The following ERGIC3 variants were observed in gnomAD, a reference collection of about 807,000 sequenced individuals.
ERGIC3 encodes ERGIC and golgi 3, also known as endoplasmic reticulum-Golgi intermediate compartment protein 3.
A neutral mutation model predicts 54.7 loss-of-function variants in ERGIC3; 33 were observed. The ratio of observed to expected loss-of-function variants is 0.60; its 90% CI spans 0.46 to 0.81. The LOEUF (loss-of-function observed/expected upper bound fraction) is 0.81, where lower values mean the gene tolerates loss of function less well. Among genes scored for constraint, ERGIC3 ranks in the 30% least tolerant of loss-of-function variants. The pLI is 0.00. For missense variants in ERGIC3, 399 were observed against 488.4 expected (o/e 0.82, Z 1.73); for synonymous variants, 186 against 189.8 (o/e 0.98, Z 0.16).
Position 35,542,086 on chromosome 20 carries a change from C to T in ERGIC3, c.-12C>T, listed in dbSNP as rs763471053. The T allele has an allele frequency of 1.3e-6, 2 of 1,521,254 alleles. No homozygotes were observed. Among genetic ancestry groups the T allele is most frequent in the Non-Finnish European group, 1.8e-6 (2 of 1,137,396 alleles). The allele number at this position is 1,521,254 out of a possible 1,614,324, so 94.2% of individuals were successfully genotyped here. A position where few individuals can be genotyped will look rare whatever the true frequency, so the allele number is the denominator to read the frequency against. ...GGCGGGCCGGCTGGCGTCCCCTTTC[C>T]GGCCGGTCCCCATGGAGGCGCTGGG... On this transcript the variant is annotated 5_prime_UTR_variant, in exon 1 of 13. Coordinates refer to ENST00000348547, the MANE Select transcript of ERGIC3 (RefSeq NM_015966.3).
At chr20:35,548,904 G>A (rs748912772) in intron 7 of ERGIC3, 39 bp downstream of exon 7, 1 of 1,610,748 alleles carries the variant, frequency 6.2e-7, no homozygotes, top group Non-Finnish European at 8.5e-7. Flanking sequence ...TTAGATGCTG[G>A]CCACCTTCTT....
intron 3 of ERGIC3, 67 bp from the exon 4 acceptor site, chr20:35,542,755 C>G (rs1237955937): frequency 1.2e-6 from 2 of 1,613,002 alleles, no homozygotes; most frequent in Non-Finnish European, 1.7e-6. Flanking sequence ...TATCCCCTTC[C>G]CCTCCAAAAC....
chr20:35,554,336 ATCTT>A (rs2064699510), intron 7 of ERGIC3: 4 of 1,614,078 alleles, frequency 2.5e-6, no homozygotes, highest in East Asian at 4.5e-5. Flanking sequence ...GAAGCTCTGA[ATCTT>A]TCTTCTCTCT....
chr20:35,549,343 C>A, intron 7 of ERGIC3: 2 of 407,302 alleles, frequency 4.9e-6, no homozygotes. Flanking sequence ...TATTTAGTTG[C>A]TTCTTCTGTA....
At chr20:35,546,302 G>C (rs1048403502) in intron 4 of ERGIC3, among the ~76,000 whole-genome samples, 2 of 152,208 alleles carry the variant, frequency 1.3e-5, no homozygotes, top group Admixed American at 1.3e-4. Flanking sequence ...GCTGAGAAAT[G>C]GAGTGGGATC....
intron 4 of ERGIC3, chr20:35,545,003 A>G (rs2064640660): frequency 6.6e-6 from 1 of 152,150 alleles, no homozygotes; most frequent in East Asian, 2.0e-4. Context: ...GGGTTTCACC[A>G]TCGTGGCCAG....
Position 35,555,075 on chromosome 20 carries a change from C to G in ERGIC3, c.717C>G (p.Asn239Lys). The change falls in exon 8 of 13, where the codon AAC (asparagine) becomes AAG (lysine). Residue 239 changes from asparagine to lysine, a missense_variant and splice_region_variant. Coordinates refer to ENST00000348547, the MANE Select transcript of ERGIC3 (RefSeq NM_015966.3). ...VHDLQSFGLD[N>K]INMTHYIQHL... ...ACTTGCAGAGCTTTGGCCTTGACAACGTACGTACCAGATGGAAACCATGGA... is the reference window on the plus strand; with the variant it reads ...ACTTGCAGAGCTTTGGCCTTGACAAGGTACGTACCAGATGGAAACCATGGA... The G allele has an allele frequency of 6.2e-7, 1 of 1,608,116 alleles. No individual in the cohort carries two copies. The highest frequency in any genetic ancestry group is 8.5e-7 in the Non-Finnish European group (1 of 1,177,562).
chr20:35,548,372 G>T, intron 5 of ERGIC3, 137 bp from the exon 6 acceptor site: 1 of 906,276 alleles, frequency 1.1e-6, no homozygotes, highest in Non-Finnish European at 1.6e-6. Flanking sequence ...AAACACATTT[G>T]GAGAATGTTT....
At chr20:35,553,019 G>GGTTTTTTTTTTTTTTTTTT (rs2064689546) in intron 7 of ERGIC3, among the ~76,000 whole-genome samples, 2 of 12,630 alleles carry the variant, frequency 1.6e-4, no homozygotes, top group Admixed American at 1.1e-3. Context: ...CAAAGCTGGG[G>GGTTTTTTTTTTTTTTTTTT]ATTTTTTTTT....
At position 35,548,677 on chromosome 20, in the gene ERGIC3, A is replaced by G. The variant is rs762724761; in HGVS notation, c.627+3A>G. On this transcript the variant is annotated splice_donor_region_variant and intron_variant, in intron 6 of 12. Transcript: ENST00000348547. Reference sequence around the variant, plus strand: ...ATGGCTTCTTGGAAGTCAATAAGGTATCAGGAGGGATCAAGACAAGATAGG... The same window carrying G: ...ATGGCTTCTTGGAAGTCAATAAGGTGTCAGGAGGGATCAAGACAAGATAGG... 2 of 1,614,242 alleles carry G rather than the reference A, an allele frequency of 1.2e-6. No homozygotes were observed.
chr20:35,556,615 G>A, intron 10 of ERGIC3: 1 of 494,198 alleles, frequency 2.0e-6, no homozygotes, highest in East Asian at 3.8e-5. Flanking sequence ...GGCCTGTGGA[G>A]CAGCATCTCA....
chr20:35,556,230 G>A lies in ERGIC3; in HGVS notation c.838G>A (p.Val280Met). 5.0e-6 allele frequency: 8 copies of A among 1,614,202 alleles called. No individual in the cohort carries two copies. The highest frequency in any genetic ancestry group is 6.8e-6 in the Non-Finnish European group (8 of 1,180,042). Reference protein sequence around the residue: ...PQASMMFQYFVKVVPTVYMKV... With the variant: ...PQASMMFQYFMKVVPTVYMKV... ...AGCCTCCATGATGTTCCAGTACTTT[G>A]TGAAGGTGGTGCCCACTGTGTACAT... The change falls in exon 10 of 13, where the codon GTG becomes ATG. Residue 280 changes from valine to methionine, a missense_variant. By Grantham distance (21) the Val-to-Met change is conservative (BLOSUM62 1). Coordinates refer to ENST00000348547, the MANE Select transcript of ERGIC3 (RefSeq NM_015966.3).
chr20:35,549,294 C>T (rs2064669343), intron 7 of ERGIC3: 1 of 463,874 alleles, frequency 2.2e-6, no homozygotes, highest in South Asian at 1.6e-5. Flanking sequence ...GGTTGGAGCA[C>T]AGGTTCTGCC....
Position 35,545,022 on chromosome 20 carries a change from C to CA in ERGIC3, c.367+2084dup, listed in dbSNP as rs1210608914. 2 of 151,998 alleles carry CA rather than the reference C, an allele frequency of 1.3e-5. 1 individual carries two copies. The highest frequency in any genetic ancestry group is 3.9e-4 in the East Asian group (2 of 5,112). The allele number at this position is 151,998 out of a possible 1,614,324, so 9.4% of individuals were successfully genotyped here. On this transcript the variant is annotated intron_variant, in intron 4 of 12. Transcript: ENST00000348547. Reference sequence around the variant, plus strand: ...TTCACCATCGTGGCCAGGCTGGTCTCAAACTCCTGACCTCAGGTGATCCAC... The same window carrying CA: ...TTCACCATCGTGGCCAGGCTGGTCTCAAAACTCCTGACCTCAGGTGATCCAC...
chr20:35,556,168 G>A (rs534554789), intron 9 of ERGIC3, 39 bp downstream of exon 9: 44 of 1,614,096 alleles, frequency 2.7e-5, no homozygotes, highest in African/African-American at 4.0e-5. Flanking sequence ...GCAGAAGGCC[G>A]GCCGGGCACC....
intron 10 of ERGIC3, 63 bp from the exon 11 acceptor site, chr20:35,556,910 G>T: frequency 6.2e-7 from 1 of 1,607,538 alleles, no homozygotes; most frequent in African/African-American, 1.3e-5. Context: ...CAGGGGTGGG[G>T]CTGATGGTGG....
In ERGIC3 at chr20:35,557,211, T is replaced by TGACA; in HGVS notation, c.1036_1039dup (p.Gly347AspfsTer33). ...TCTACCAGGTCCTTCACCCACTTCC[T>TGACA]GACAGGTGTGTGCGCCATCATTGGG... On this transcript the variant is annotated frameshift_variant, in exon 12 of 13. Coordinates refer to ENST00000348547, the MANE Select transcript of ERGIC3 (RefSeq NM_015966.3). LOFTEE classifies it high-confidence loss of function. The TGACA allele has an allele frequency of 1.9e-6, 3 of 1,614,154 alleles. No individual in the cohort carries two copies. The highest frequency in any genetic ancestry group is 2.5e-6 in the Non-Finnish European group (3 of 1,180,012).
chr20:35,549,198 C>A, intron 7 of ERGIC3: 1 of 482,828 alleles, frequency 2.1e-6, no homozygotes. Flanking sequence ...AGCACGGAGC[C>A]TGGCTTGTGG....
Position 35,542,587 on chromosome 20 carries a change from C to T in ERGIC3, c.234C>T (p.His78=), listed in dbSNP as rs2064621372. ...LKINIDVLFP[H]MPCAYLSIDA... is the part of the protein sequence containing the mutation. ...TCAACATCGATGTACTTTTTCCGCACATGCCTTGTGCCTGTGAGTACCTCA... is the reference window on the plus strand; with the variant it reads ...TCAACATCGATGTACTTTTTCCGCATATGCCTTGTGCCTGTGAGTACCTCA... Residue 78 remains histidine (H), a synonymous_variant, in exon 3 of 13, where the codon CAC becomes CAT. Coordinates refer to ENST00000348547, the MANE Select transcript of ERGIC3 (RefSeq NM_015966.3). 1.2e-6 allele frequency: 2 copies of T among 1,613,924 alleles called. No homozygotes were observed. Among genetic ancestry groups the T allele is most frequent in the Non-Finnish European group, 1.7e-6 (2 of 1,180,040 alleles).
Sources: allele counts gnomAD v4.1 joint callset (sites outside exome capture counted in the v4.1 genomes callset), GRCh38; gene constraint gnomAD v4.1.1; transcripts MANE v1.5; gene names NCBI Gene and HGNC (gene_info 2026-07-23, HGNC 2026-07-21).